The following OPRM1 variants were observed in gnomAD, a reference collection of about 807,000 sequenced individuals.
The protein encoded by OPRM1 is mu-type opioid receptor.
In OPRM1, 27 loss-of-function variants were observed where a neutral mutation model predicts 31.8. The ratio of observed to expected loss-of-function variants is 0.85; its 90% CI spans 0.63 to 1.17. The LOEUF (loss-of-function observed/expected upper bound fraction) is 1.17, where lower values mean the gene tolerates loss of function less well. OPRM1 is among the 50% of genes most tolerant of loss of function. The pLI is 0.00. For synonymous variants in OPRM1, 196 were observed against 189.9 expected, an observed-to-expected ratio of 1.03 and a Z score of -0.26; for missense variants, 536 against 511.1, an observed-to-expected ratio of 1.05 and a Z score of -0.47.
At chr6:154,011,030 C>T (rs1777696335) in intron 1 of OPRM1, 1 of 1,289,700 alleles carries the variant, frequency 7.8e-7, no homozygotes, top group South Asian at 1.2e-5. Flanking sequence ...TAGGGTACAG[C>T]TCATTTATTT....
intron 1 of OPRM1, among the ~76,000 whole-genome samples, chr6:154,083,141 G>GT (rs1300968800): frequency 2.0e-5 from 3 of 152,180 alleles, no homozygotes; most frequent in African/African-American, 7.2e-5. Flanking sequence ...TATAATGGAA[G>GT]TATCTCTCGT....
At chr6:154,100,319 G>T (rs1225801805) in intron 3 of OPRM1, among the ~76,000 whole-genome samples, 8 of 145,866 alleles carry the variant, frequency 5.5e-5, no homozygotes, top group African/African-American at 2.0e-4. Context: ...CAGAGCTCAT[G>T]CAAGCCCAGT....
At chr6:154,069,577 A>G (rs1485787355) in intron 1 of OPRM1, among the ~76,000 whole-genome samples, 2 of 152,194 alleles carry the variant, frequency 1.3e-5, no homozygotes, top group African/African-American at 4.8e-5. Flanking sequence ...AAATCATTGC[A>G]GAAACCAGTG....
chr6:154,108,442 C>G (rs1299355556), intron 3 of OPRM1: 1 of 155,070 alleles, frequency 6.4e-6, no homozygotes, highest in Non-Finnish European at 1.4e-5. Context: ...AAAGACTCAC[C>G]TATTGCAGCA....
At chr6:154,067,039 T>C (rs1562421003) in intron 1 of OPRM1, among the ~76,000 whole-genome samples, 1 of 152,158 alleles carries the variant, frequency 6.6e-6, no homozygotes, top group Non-Finnish European at 1.5e-5. Context: ...CATTTTATTG[T>C]AGTGATCTGA....
intron 1 of OPRM1, among the ~76,000 whole-genome samples, chr6:154,068,094 A>AT (rs969181845): frequency 3.9e-5 from 6 of 152,086 alleles, no homozygotes; most frequent in African/African-American, 1.4e-4. Flanking sequence ...ATTTTACTTA[A>AT]TCCCATATAT....
Position 154,125,594 on chromosome 6 carries a change from C to CA in OPRM1, c.*6881dup, listed in dbSNP as rs760524753. Reference sequence around the variant, plus strand: ...CATGCACTGTAATAGGAATGTTTAGCAAAAAAAACCTTCCAGAGAAAGGTG... The same window carrying CA: ...CATGCACTGTAATAGGAATGTTTAGCAAAAAAAAACCTTCCAGAGAAAGGTG... On this transcript the variant is annotated 3_prime_UTR_variant, in exon 4 of 4. Coordinates refer to ENST00000330432, the MANE Select transcript of OPRM1 (RefSeq NM_000914.5). Among the ~76,000 whole-genome samples, 36 of 151,686 alleles carry CA rather than the reference C, an allele frequency of 2.4e-4. No individual in the cohort carries two copies. Among genetic ancestry groups the CA allele is most frequent in the Non-Finnish European group, 4.0e-4 (27 of 67,880 alleles).
At chr6:154,063,143 T>A (rs1466258833) in intron 1 of OPRM1, among the ~76,000 whole-genome samples, 3 of 152,078 alleles carry the variant, frequency 2.0e-5, no homozygotes, top group Admixed American at 6.6e-5. Flanking sequence ...TGCACAATGC[T>A]AACAATGTTA....
At chr6:154,169,392 G>A (rs564524246) in intron 3 of OPRM1, among the ~76,000 whole-genome samples, 1 of 152,048 alleles carries the variant, frequency 6.6e-6, no homozygotes, top group Non-Finnish European at 1.5e-5. Context: ...TCTAAACCAG[G>A]TATTGCTGAA....
intron 3 of OPRM1, among the ~76,000 whole-genome samples, chr6:154,152,352 G>GAAAAGA (rs1189648340): frequency 1.7e-4 from 24 of 140,918 alleles, no homozygotes; most frequent in African/African-American, 6.5e-4. Flanking sequence ...AGAAAGGAAA[G>GAAAAGA]AAAGAAAGAA....
intron 3 of OPRM1, among the ~76,000 whole-genome samples, chr6:154,242,037 G>A (rs189739581): frequency 5.3e-4 from 80 of 152,324 alleles, no homozygotes; most frequent in African/African-American, 1.8e-3. Flanking sequence ...CTGAGCTTCA[G>A]TAAACTCCCT....
At chr6:154,243,616 G>A (rs1297372678) in intron 3 of OPRM1, among the ~76,000 whole-genome samples, 1 of 152,188 alleles carries the variant, frequency 6.6e-6, no homozygotes, top group African/African-American at 2.4e-5. Flanking sequence ...TCAAAGGAGA[G>A]TTGCCCTAAA....
chr6:154,163,206 A>G (rs2128549419), intron 3 of OPRM1, among the ~76,000 whole-genome samples: 1 of 152,238 alleles, frequency 6.6e-6, no homozygotes, highest in South Asian at 2.1e-4. Flanking sequence ...CTGCCCCTCC[A>G]GCCCACTGCT....
At chr6:154,043,802 C>G (rs1339036464) in intron 1 of OPRM1, among the ~76,000 whole-genome samples, 1 of 152,034 alleles carries the variant, frequency 6.6e-6, no homozygotes, top group Non-Finnish European at 1.5e-5. Flanking sequence ...ATGCCTTTCA[C>G]TTAGTAAGGG....
At position 154,208,981 on chromosome 6, in the gene OPRM1, A is replaced by C. The variant is rs149621801; in HGVS notation, c.1165-37712A>C. 4.5e-3 allele frequency among the ~76,000 whole-genome samples: 678 copies of C among 152,334 alleles called. 7 individuals carry two copies. The highest frequency in any genetic ancestry group is 0.016 in the African/African-American group (658 of 41,584). Reference sequence around the variant, plus strand: ...TCAACCCTCTGAAACCTTCTGAAGAAGGAGGAACATAACATAAAAACCTCT... The same window carrying C: ...TCAACCCTCTGAAACCTTCTGAAGACGGAGGAACATAACATAAAAACCTCT... On this transcript the variant is annotated intron_variant, in intron 3 of 3. Transcript: ENST00000337049.
chr6:154,137,149 T>C (rs925918015), downstream of OPRM1, among the ~76,000 whole-genome samples: 1 of 152,172 alleles, frequency 6.6e-6, no homozygotes, highest in African/African-American at 2.4e-5. Context: ...GTCAAAACTA[T>C]ACTTTTAACC....
intron 3 of OPRM1, among the ~76,000 whole-genome samples, chr6:154,139,127 C>T (rs681973): frequency 0.9 from 137,668 of 152,220 alleles, 62,299 homozygotes; most frequent in East Asian, 0.98. Flanking sequence ...AAAACTCTGA[C>T]CTCTGGCTTG....
intron 1 of OPRM1, among the ~76,000 whole-genome samples, chr6:154,075,781 C>T (rs1377438246): frequency 3.3e-5 from 5 of 152,196 alleles, no homozygotes; most frequent in Non-Finnish European, 7.4e-5. Flanking sequence ...CTCTGAGAGA[C>T]TTCCCATCTG....
rs1054854489 is a variant in OPRM1, at chr6:154,131,385, T to C, written c.*12664T>C. ...ACTGAATTGTTCCTTCTTTATTCTA[T>C]AGCTTTAAGTCAAACCTAACATAAG... On this transcript the variant is annotated 3_prime_UTR_variant, in exon 4 of 4. Coordinates refer to ENST00000330432, the MANE Select transcript of OPRM1 (RefSeq NM_000914.5). 6.6e-6 allele frequency among the ~76,000 whole-genome samples: 1 copy of C among 152,260 alleles called. No individual in the cohort carries two copies. Among genetic ancestry groups the C allele is most frequent in the Non-Finnish European group, 1.5e-5 (1 of 68,048 alleles).
Sources: gnomAD v4.1 joint callset for allele counts (sites outside exome capture counted in the v4.1 genomes callset) on GRCh38, gnomAD v4.1.1 for gene constraint, MANE v1.5 for transcripts, NCBI Gene and HGNC (gene_info 2026-07-23, HGNC 2026-07-21) for gene names.